The following GOT1 variants were observed in gnomAD, a reference collection of about 807,000 sequenced individuals.
The protein encoded by GOT1 is glutamic-oxaloacetic transaminase 1, also known as aspartate aminotransferase, cytoplasmic.
In GOT1, 25 loss-of-function variants were observed where a neutral mutation model predicts 48.2. That is an observed-to-expected ratio of 0.52 (90% confidence interval 0.38 to 0.72). GOT1 has a LOEUF of 0.72. GOT1 is among the 30% of genes least tolerant of loss of function. The pLI is 0.00. For missense variants in GOT1, 380 were observed against 520.1 expected, an observed-to-expected ratio of 0.73 and a Z score of 2.62; for synonymous variants, 188 against 193.8, an observed-to-expected ratio of 0.97 and a Z score of 0.25.
intron 8 of GOT1, among the ~76,000 whole-genome samples, chr10:99,400,338 C>A (rs2032655731): frequency 6.6e-6 from 1 of 152,238 alleles, no homozygotes; most frequent in Admixed American, 6.5e-5. Context: ...ATTCCTCCAA[C>A]TTTTCTGTAT....
intron 2 of GOT1, among the ~76,000 whole-genome samples, chr10:99,416,521 G>A (rs148093402): frequency 0.021 from 3,265 of 152,248 alleles, 126 homozygotes; most frequent in African/African-American, 0.074. Context: ...TACTGTACAA[G>A]GTAATTTATA....
intron 2 of GOT1, among the ~76,000 whole-genome samples, chr10:99,418,841 C>A (rs1330042538): frequency 6.6e-6 from 1 of 152,184 alleles, no homozygotes. Flanking sequence ...TTCTCCTCTA[C>A]CTCTGCAGAA....
At chr10:99,421,298 GAGA>G (rs1015504165) in intron 1 of GOT1, among the ~76,000 whole-genome samples, 1 of 152,148 alleles carries the variant, frequency 6.6e-6, no homozygotes, top group African/African-American at 2.4e-5. Flanking sequence ...CACAAACATG[GAGA>G]AGGAGTGGAA....
At chr10:99,421,636 C>G (rs1232084358) in intron 1 of GOT1, among the ~76,000 whole-genome samples, 1 of 152,126 alleles carries the variant, frequency 6.6e-6, no homozygotes, top group Non-Finnish European at 1.5e-5. Context: ...TTTCCCTACA[C>G]TATTCTATGA....
chr10:99,424,438 A>G (rs2134109934), intron 1 of GOT1, among the ~76,000 whole-genome samples: 2 of 152,302 alleles, frequency 1.3e-5, no homozygotes, highest in Middle Eastern at 6.8e-3. Flanking sequence ...ACTACCTACA[A>G]AGGATACTAG....
At chr10:99,425,279 G>C (rs2033023533) in intron 1 of GOT1, among the ~76,000 whole-genome samples, 1 of 152,244 alleles carries the variant, frequency 6.6e-6, no homozygotes, top group South Asian at 2.1e-4. Flanking sequence ...TCATGACTCT[G>C]ATGTGGAATC....
intron 2 of GOT1, among the ~76,000 whole-genome samples, chr10:99,414,775 G>A (rs1210842557): frequency 2.0e-5 from 3 of 151,962 alleles, no homozygotes; most frequent in African/African-American, 7.3e-5. Flanking sequence ...CTAGAACTCA[G>A]GATTAAGAAA....
chr10:99,402,164 A>G (rs2032689224), intron 8 of GOT1, among the ~76,000 whole-genome samples: 2 of 152,152 alleles, frequency 1.3e-5, no homozygotes, highest in Non-Finnish European at 2.9e-5. Flanking sequence ...CTTTTTGAGG[A>G]TAATACCTAG....
At chr10:99,425,661 G>T (rs2033029258) in intron 1 of GOT1, among the ~76,000 whole-genome samples, 1 of 152,154 alleles carries the variant, frequency 6.6e-6, no homozygotes, top group Non-Finnish European at 1.5e-5. Context: ...TTGGGGAAAG[G>T]GCTGCTGTTG....
chr10:99,422,478 T>C (rs1330969743), intron 1 of GOT1, among the ~76,000 whole-genome samples: 1 of 152,198 alleles, frequency 6.6e-6, no homozygotes, highest in Non-Finnish European at 1.5e-5. Flanking sequence ...GGCATATTCT[T>C]TTATAAAATA....
chr10:99,420,080 T>C lies in GOT1; in HGVS notation c.300+544A>G, dbSNP rs1004292924. ...GCATCTACTAGTAGCTCCTGAACCC[T>C]TGAAGGGCCACAGACACCTTTTGAA... On this transcript the variant is annotated intron_variant, in intron 2 of 8. Transcript: ENST00000370508. 2.0e-5 allele frequency among the ~76,000 whole-genome samples: 3 copies of C among 152,226 alleles called. No homozygotes were observed. In the East Asian group the frequency reaches 5.8e-4, roughly 29 times the overall value.
In GOT1 at chr10:99,397,941, T is replaced by C. The variant is rs535945269; in HGVS notation, c.1103-255A>G. 9.2e-5 allele frequency among the ~76,000 whole-genome samples: 14 copies of C among 152,332 alleles called. No individual in the cohort carries two copies. Among genetic ancestry groups the C allele is most frequent in the Non-Finnish European group, 2.1e-4 (14 of 68,038 alleles). Reference sequence around the variant, plus strand: ...TACTGATGGGAATTTTAATCTGAGATTGCCTTCCAACCAAGCCTTATACAT... The same window carrying C: ...TACTGATGGGAATTTTAATCTGAGACTGCCTTCCAACCAAGCCTTATACAT... On this transcript the variant is annotated intron_variant, in intron 8 of 8. Transcript: ENST00000370508. This position sits in a 1 kb window ranked among gnomAD's most constrained non-coding sequence, Gnocchi z 5.4.
intron 2 of GOT1, among the ~76,000 whole-genome samples, chr10:99,417,670 G>T (rs1304853027): frequency 2.0e-5 from 3 of 152,140 alleles, no homozygotes; most frequent in Non-Finnish European, 2.9e-5. Flanking sequence ...CAAAGACTTG[G>T]AACCAACCCA....
rs1339079312 is a variant in GOT1 at position 99,406,155 on chromosome 10, GC to G, written c.518del (p.Gly173AlafsTer3). 6.2e-7 allele frequency: 1 copy of G among 1,607,104 alleles called. No homozygotes were observed. Among genetic ancestry groups the G allele is most frequent in the African/African-American group, 1.3e-5 (1 of 74,790 alleles). The part of the protein sequence containing the change: ...DAEKRGLDLQ[G>X]FLNDLENAPE... ...CACCCACCTCCAGATCATTCAGGAA[GC>G]CCTGGAGGTCCAATCCTCTCTTCTC... On this transcript the variant is annotated frameshift_variant, in exon 4 of 9. Coordinates refer to ENST00000370508, the MANE Select transcript of GOT1 (RefSeq NM_002079.3). LOFTEE classifies it high-confidence loss of function.
chr10:99,423,170 A>G lies in GOT1; in HGVS notation c.119-2365T>C, dbSNP rs183257157. On this transcript the variant is annotated intron_variant, in intron 1 of 8. Transcript: ENST00000370508. ...TTACGCACTGAGTGTATTTTTGCCAATATAATATGTCAAGTAGTTTTAATT... is the reference window on the plus strand; with the variant it reads ...TTACGCACTGAGTGTATTTTTGCCAGTATAATATGTCAAGTAGTTTTAATT... Among the ~76,000 whole-genome samples the G allele has an allele frequency of 4.7e-4, 71 of 152,332 alleles. 1 individual carries two copies. Among genetic ancestry groups the G allele is most frequent in the Admixed American group, 2.9e-3 (45 of 15,302 alleles).
intron 5 of GOT1, among the ~76,000 whole-genome samples, chr10:99,404,243 T>C (rs1445678034): frequency 6.6e-6 from 1 of 152,116 alleles, no homozygotes; most frequent in African/African-American, 2.4e-5. Context: ...CCTCATGGGC[T>C]ATTCTGCTAG....
At chr10:99,406,112 C>G (rs751861835) in intron 4 of GOT1, 25 bp downstream of exon 4, 30 of 1,450,824 alleles carry the variant, frequency 2.1e-5, no homozygotes, top group Non-Finnish European at 2.7e-5. Flanking sequence ...ATGCAATTCT[C>G]TACTTTTTCC....
At chr10:99,422,538 T>C (rs1238513004) in intron 1 of GOT1, among the ~76,000 whole-genome samples, 2 of 152,196 alleles carry the variant, frequency 1.3e-5, no homozygotes, top group Non-Finnish European at 2.9e-5. Context: ...CATTTAAATA[T>C]ATACTATGCA....
intron 2 of GOT1, among the ~76,000 whole-genome samples, chr10:99,417,756 C>T (rs981211923): frequency 3.3e-5 from 5 of 152,114 alleles, no homozygotes; most frequent in Admixed American, 1.3e-4. Flanking sequence ...TTTGTAGGGA[C>T]ATGGATGAAG....
Sources: allele counts gnomAD v4.1 joint callset (sites outside exome capture counted in the v4.1 genomes callset), GRCh38; gene constraint gnomAD v4.1.1; non-coding constraint Gnocchi (gnomAD v3.1); transcripts MANE v1.5; gene names NCBI Gene and HGNC (gene_info 2026-07-23, HGNC 2026-07-21).